The following LYAR variants were observed in gnomAD, a reference collection of about 807,000 sequenced individuals.
The protein encoded by LYAR is Ly1 antibody reactive.
A neutral mutation model predicts 45.2 loss-of-function variants in LYAR; 37 were observed. The ratio of observed to expected loss-of-function variants is 0.82; its 90% CI spans 0.63 to 1.08. The LOEUF (loss-of-function observed/expected upper bound fraction) is 1.08, where lower values mean the gene tolerates loss of function less well. LYAR is among the 50% of genes least tolerant of loss of function. The probability of loss-of-function intolerance (pLI) is 0.00; values close to 1 mark genes in which losing one functional copy is unlikely to be tolerated. For synonymous variants in LYAR, 176 were observed against 155.1 expected, an observed-to-expected ratio of 1.14 and a Z score of -1.00; for missense variants, 493 against 451.0, an observed-to-expected ratio of 1.09 and a Z score of -0.84.
At chr4:4,268,473 A>T in intron 9 of LYAR, 57 bp downstream of exon 9, 1 of 1,125,258 alleles carries the variant, frequency 8.9e-7, no homozygotes, top group Non-Finnish European at 1.3e-6. Flanking sequence ...ACAATTGTAC[A>T]TTTAGAAATA....
chr4:4,273,765 G>A (rs897840657), intron 7 of LYAR, 96 bp from the exon 8 acceptor site: 14 of 683,344 alleles, frequency 2.0e-5, no homozygotes, highest in African/African-American at 1.1e-4. Context: ...CAAACTCCAC[G>A]TATCATCTCA....
intron 2 of LYAR, among the ~76,000 whole-genome samples, chr4:4,285,797 G>A (rs933301089): frequency 5.9e-5 from 9 of 152,322 alleles, no homozygotes; most frequent in Admixed American, 5.9e-4. Flanking sequence ...AGGCTTAAGA[G>A]TGAATTGAGA....
intron 7 of LYAR, 35 bp downstream of exon 7, chr4:4,274,332 T>C (rs1030960590): frequency 6.3e-7 from 1 of 1,581,170 alleles, no homozygotes; most frequent in East Asian, 2.2e-5. Flanking sequence ...TTCCCGGTTT[T>C]CAGATGAATC....
Position 4,283,781 on chromosome 4 carries a change from GT to G in LYAR, c.-40del. The G allele has an allele frequency of 6.5e-7, 1 of 1,547,992 alleles. No individual in the cohort carries two copies. On this transcript the variant is annotated 5_prime_UTR_variant, in exon 3 of 10. Coordinates refer to ENST00000343470, the MANE Select transcript of LYAR (RefSeq NM_017816.3). ...GCTAAATATTCTCTATCCAAGACAGGTTTTAAGTCTTGTCCTAAGGAAAAAA... is the reference window on the plus strand; with the variant it reads ...GCTAAATATTCTCTATCCAAGACAGGTTTAAGTCTTGTCCTAAGGAAAAAA...
rs144029978 is a variant in LYAR at position 4,271,891 on chromosome 4, C to T, written c.919+1692G>A. On this transcript the variant is annotated intron_variant, in intron 8 of 9. Coordinates refer to ENST00000343470, the MANE Select transcript of LYAR (RefSeq NM_017816.3). The stretch of plus-strand genomic sequence containing the variant: ...AAAGGACTGTGATGCACGCACAGCA[C>T]GGGATACTCCTCACCAATAAGATGA... Among the ~76,000 whole-genome samples the T allele has an allele frequency of 2.3e-3, 350 of 152,318 alleles. 1 individual carries two copies. The highest frequency in any genetic ancestry group is 8.1e-3 in the African/African-American group (335 of 41,550).
intron 6 of LYAR, among the ~76,000 whole-genome samples, chr4:4,277,376 G>A (rs1719223596): frequency 6.6e-6 from 1 of 152,166 alleles, no homozygotes; most frequent in Non-Finnish European, 1.5e-5. Context: ...CTGAGAGCCT[G>A]AGACCCTGGC....
At chr4:4,282,525 G>A (rs1209521751) in intron 3 of LYAR, among the ~76,000 whole-genome samples, 1 of 152,070 alleles carries the variant, frequency 6.6e-6, no homozygotes, top group African/African-American at 2.4e-5. Flanking sequence ...GAGGTTAGCA[G>A]TTTCCAAAAA....
At chr4:4,268,047 G>C in intron 9 of LYAR, 24 bp from the exon 10 acceptor site, 1 of 1,541,192 alleles carries the variant, frequency 6.5e-7, no homozygotes. Flanking sequence ...AACATCAAAT[G>C]AGTGTATTTG....
intron 2 of LYAR, among the ~76,000 whole-genome samples, chr4:4,285,493 T>C (rs1452587645): frequency 6.6e-6 from 1 of 152,176 alleles, no homozygotes; most frequent in Admixed American, 6.5e-5. Context: ...GAACAAAGGC[T>C]GGAATAAGAG....
rs574581987 is a variant in LYAR at position 4,284,706 on chromosome 4, G to C, written c.-53-911C>G. ...GTCTAGAAGTGTTAGAGAAGTCACA[G>C]TAATTTTCCATACTTACATAATTTT... On this transcript the variant is annotated intron_variant, in intron 2 of 9. Transcript: ENST00000343470. Among the ~76,000 whole-genome samples the C allele has an allele frequency of 7.0e-5, 9 of 129,002 alleles. No homozygotes were observed. The East Asian group carries it at 1.4e-3, about 20-fold the overall frequency. The allele number at this position is 129,002 out of a possible 152,430, so 84.6% of individuals were successfully genotyped here.
intron 2 of LYAR, among the ~76,000 whole-genome samples, chr4:4,284,043 A>G (rs1719511067): frequency 6.6e-6 from 1 of 152,230 alleles, no homozygotes; most frequent in African/African-American, 2.4e-5. Context: ...TCACTTATTC[A>G]ATCCCCGCAG....
intron 3 of LYAR, 31 bp from the exon 4 acceptor site, chr4:4,281,928 A>G: frequency 1.4e-6 from 2 of 1,466,738 alleles, no homozygotes; most frequent in Non-Finnish European, 1.9e-6. Flanking sequence ...CTGCCATTAG[A>G]CTGATACCCA....
Position 4,274,679 on chromosome 4 carries a change from C to T in LYAR, c.520G>A (p.Val174Met). 1 of 1,614,068 alleles carries T rather than the reference C, an allele frequency of 6.2e-7. No individual in the cohort carries two copies. The highest frequency in any genetic ancestry group is 1.1e-5 in the South Asian group (1 of 91,048). The change falls in exon 7 of 10, where the codon GTG becomes ATG. Residue 174 changes from valine (V) to methionine (M), a missense_variant. Val to Met is a conservative substitution (Grantham distance 21, BLOSUM62 1). Coordinates refer to ENST00000343470, the MANE Select transcript of LYAR (RefSeq NM_017816.3). ...CCTTGCTGTTCCACGGCGTCTTTCA[C>T]TTTGGAGGCTGGAACCTTGGTGGAG... ...EISTKVPASK[V>M]KDAVEQQGEV...
At chr4:4,284,222 T>G (rs1161532932) in intron 2 of LYAR, among the ~76,000 whole-genome samples, 1 of 152,196 alleles carries the variant, frequency 6.6e-6, no homozygotes, top group Non-Finnish European at 1.5e-5. Flanking sequence ...TTACTTTCCA[T>G]AATACCTTAA....
chr4:4,283,053 C>T (rs1259374215), intron 3 of LYAR, among the ~76,000 whole-genome samples: 4 of 152,220 alleles, frequency 2.6e-5, no homozygotes, highest in Non-Finnish European at 5.9e-5. Flanking sequence ...CAATAGCAAC[C>T]AGTGTCACCA....
chr4:4,282,407 T>C (rs1719429568), intron 3 of LYAR, among the ~76,000 whole-genome samples: 2 of 151,850 alleles, frequency 1.3e-5, no homozygotes, highest in South Asian at 4.2e-4. Context: ...CTCTATGGGG[T>C]TCTTCAGGGA....
At chr4:4,275,612 T>C (rs1348306901) in intron 6 of LYAR, among the ~76,000 whole-genome samples, 2 of 151,542 alleles carry the variant, frequency 1.3e-5, no homozygotes, top group South Asian at 2.1e-4. Context: ...AACCGGAAAA[T>C]TGTTTATTTT....
Position 4,281,876 on chromosome 4 carries a change from G to A in LYAR, c.144C>T (p.His48=), listed in dbSNP as rs780447182. ...KDFWGDDYKN[H]VKCISEDQKY... is the part of the protein sequence containing the mutation. ...TCTGATCTTCACTTATGCATTTCAC[G>A]TGGTTTTTATAGTCATCGCCCCTTT... Residue 48 remains histidine, a synonymous_variant, in exon 4 of 10, where the codon CAC becomes CAT. Coordinates refer to ENST00000343470, the MANE Select transcript of LYAR (RefSeq NM_017816.3). 8.7e-6 allele frequency: 14 copies of A among 1,613,786 alleles called. No individual in the cohort carries two copies. The highest frequency in any genetic ancestry group is 2.2e-5 in the East Asian group (1 of 44,890).
At chr4:4,283,006 C>T (rs898581823) in intron 3 of LYAR, among the ~76,000 whole-genome samples, 2 of 152,224 alleles carry the variant, frequency 1.3e-5, no homozygotes, top group African/African-American at 2.4e-5. Flanking sequence ...CCATCTTCCA[C>T]GCAGTTAGTT....
Sources: allele counts gnomAD v4.1 joint callset (sites outside exome capture counted in the v4.1 genomes callset), GRCh38; gene constraint gnomAD v4.1.1; transcripts MANE v1.5; gene names NCBI Gene and HGNC (gene_info 2026-07-23, HGNC 2026-07-21).